The following PAAF1 variants were observed in gnomAD, a reference collection of about 807,000 sequenced individuals.
The protein encoded by PAAF1 is proteasomal ATPase-associated factor 1.
PAAF1 carries 46 observed loss-of-function variants against 52.8 expected under a neutral mutation model. That is an observed-to-expected ratio of 0.87 (90% CI 0.69 to 1.11). PAAF1 has a LOEUF of 1.11. Among genes scored for constraint, PAAF1 ranks in the 50% most tolerant of loss-of-function variants. PAAF1 has a pLI of 0.00. For synonymous variants in PAAF1, 178 were observed against 172.8 expected (o/e 1.03, Z -0.24); for missense variants, 424 against 477.4 (o/e 0.89, Z 1.04).
Position 73,929,071 on chromosome 11 carries a change from G to A in PAAF1, c.*1709G>A, listed in dbSNP as rs1252885180. ...CTCATGTAAATTTTTTTTTTTTAAA[G>A]ACAGGGTCTTGCTCTGTTGCCCAGG... On this transcript the variant is annotated 3_prime_UTR_variant, in exon 12 of 12. Coordinates refer to ENST00000310571, the MANE Select transcript of PAAF1 (RefSeq NM_025155.3). 4 of 151,486 alleles carry A rather than the reference G, an allele frequency of 2.6e-5. No homozygotes were observed. In the East Asian group the frequency reaches 7.8e-4, roughly 29 times the overall value. The allele number at this position is 151,486 out of a possible 1,614,324, so 9.4% of individuals were successfully genotyped here.
At chr11:73,925,278 G>A (rs776295828) in intron 11 of PAAF1, among the ~76,000 whole-genome samples, 9 of 150,748 alleles carry the variant, frequency 6.0e-5, no homozygotes, top group Non-Finnish European at 1.3e-4. Flanking sequence ...GCAATAAGAT[G>A]AGACCCCCGT....
chr11:73,909,425 C>T lies in PAAF1; in HGVS notation c.559C>T (p.Arg187Trp), dbSNP rs375156920. ...TATCCTGGATACAGCCATCGTTGAT[C>T]GGGGGAGGAATGTGGTGTCTGCTTC... ...GGILDTAIVD[R>W]GRNVVSASRD... is the part of the protein sequence containing the mutation. The change falls in exon 7 of 12, where the codon CGG becomes TGG. Residue 187 changes from arginine (R) to tryptophan (W), a missense_variant. Coordinates refer to ENST00000310571, the MANE Select transcript of PAAF1 (RefSeq NM_025155.3). 581 of 1,613,792 alleles carry T rather than the reference C, an allele frequency of 3.6e-4. 1 individual carries two copies. Among genetic ancestry groups the T allele is most frequent in the Non-Finnish European group, 4.7e-4 (560 of 1,179,928 alleles).
chr11:73,914,652 A>G (rs912894916), intron 8 of PAAF1, 148 bp downstream of exon 8: 6 of 569,094 alleles, frequency 1.1e-5, no homozygotes, highest in Non-Finnish European at 1.9e-5. Flanking sequence ...TGTAATGATT[A>G]AGAGTTGTGG....
At chr11:73,877,944 A>G (rs1417220607) in intron 1 of PAAF1, among the ~76,000 whole-genome samples, 4 of 152,208 alleles carry the variant, frequency 2.6e-5, no homozygotes, top group Admixed American at 2.6e-4. Context: ...TCATTCATCT[A>G]ACATTTATTG....
intron 6 of PAAF1, among the ~76,000 whole-genome samples, chr11:73,902,978 G>C (rs1047204349): frequency 6.6e-6 from 1 of 152,146 alleles, no homozygotes; most frequent in Non-Finnish European, 1.5e-5. Flanking sequence ...GATTACAGGC[G>C]TGAGCCACTG....
intron 4 of PAAF1, among the ~76,000 whole-genome samples, chr11:73,897,300 C>T (rs1247896707): frequency 4.0e-5 from 6 of 151,708 alleles, no homozygotes; most frequent in Admixed American, 2.0e-4. Flanking sequence ...CCCCACTTCC[C>T]TCCCGGACGA....
intron 10 of PAAF1, among the ~76,000 whole-genome samples, chr11:73,922,560 G>A (rs1950248940): frequency 6.6e-6 from 1 of 152,128 alleles, no homozygotes; most frequent in Non-Finnish European, 1.5e-5. Flanking sequence ...GCTCACACCT[G>A]TAATCCCAGC....
At chr11:73,925,485 G>C (rs1950331251) in intron 11 of PAAF1, among the ~76,000 whole-genome samples, 1 of 148,396 alleles carries the variant, frequency 6.7e-6, no homozygotes, top group East Asian at 1.9e-4. Flanking sequence ...AAAAAAAAGT[G>C]ACTTCATCAC....
intron 11 of PAAF1, among the ~76,000 whole-genome samples, chr11:73,924,981 C>T (rs192716156): frequency 1.3e-5 from 2 of 151,642 alleles, no homozygotes; most frequent in Non-Finnish European, 1.5e-5. Context: ...GGTGAAACCC[C>T]GTCTCTACTA....
intron 3 of PAAF1, 88 bp from the exon 4 acceptor site, chr11:73,891,024 G>C (rs1037491976): frequency 6.5e-6 from 5 of 770,824 alleles, no homozygotes; most frequent in Admixed American, 2.5e-5. Flanking sequence ...AGAATGTCCT[G>C]TAGTCCTAAT....
intron 2 of PAAF1, among the ~76,000 whole-genome samples, chr11:73,884,865 T>TC: frequency 7.0e-6 from 1 of 143,614 alleles, no homozygotes; most frequent in East Asian, 1.9e-4. Flanking sequence ...CTTTTATTCT[T>TC]TTTTTTTTTT....
At chr11:73,892,935 C>T (rs1048825443) in intron 4 of PAAF1, among the ~76,000 whole-genome samples, 3 of 152,318 alleles carry the variant, frequency 2.0e-5, no homozygotes, top group Middle Eastern at 3.4e-3. Flanking sequence ...GCTGGGATTA[C>T]AGGTGTGAGC....
intron 2 of PAAF1, among the ~76,000 whole-genome samples, chr11:73,883,525 CT>C (rs908721684): frequency 8.8e-5 from 13 of 148,526 alleles, no homozygotes; most frequent in South Asian, 4.3e-4. Context: ...TTCTTTCTTT[CT>C]TTTTTTTTTG....
intron 4 of PAAF1, among the ~76,000 whole-genome samples, chr11:73,896,302 A>AT (rs1949361273): frequency 6.4e-5 from 4 of 62,382 alleles, no homozygotes; most frequent in Non-Finnish European, 1.3e-4. Flanking sequence ...TTTCTTTTTT[A>AT]TTTATTTTTT....
Position 73,927,432 on chromosome 11 carries a change from C to G in PAAF1, c.*70C>G. 7.8e-7 allele frequency: 1 copy of G among 1,278,454 alleles called. No individual in the cohort carries two copies. The highest frequency in any genetic ancestry group is 1.1e-6 in the Non-Finnish European group (1 of 883,086). 79.2% of individuals were successfully genotyped at this position (1,278,454 alleles called of 1,614,324 possible). On this transcript the variant is annotated 3_prime_UTR_variant, in exon 12 of 12. Coordinates refer to ENST00000310571, the MANE Select transcript of PAAF1 (RefSeq NM_025155.3). ...GATCAACAATGAGCAGAAACATCAT[C>G]AGTCCTTCCCAAGGACCATGGCGTT...
intron 3 of PAAF1, 46 bp downstream of exon 3, chr11:73,887,503 T>C: frequency 7.9e-7 from 1 of 1,273,514 alleles, no homozygotes; most frequent in Non-Finnish European, 1.1e-6. Context: ...AAAACTATGG[T>C]AGTACCCAAA....
intron 11 of PAAF1, among the ~76,000 whole-genome samples, chr11:73,925,156 CAA>C (rs34408861): frequency 2.6e-4 from 16 of 61,760 alleles, no homozygotes; most frequent in Non-Finnish European, 3.5e-4. Context: ...GACTCCATCT[CAA>C]AAAAAAAAAA....
At chr11:73,900,475 A>C (rs3741139) in intron 6 of PAAF1, 55 bp downstream of exon 6, 3 of 1,510,784 alleles carry the variant, frequency 2.0e-6, no homozygotes, top group Non-Finnish European at 2.7e-6. Flanking sequence ...GAAATGAATC[A>C]CTGAAAAGGT....
Position 73,886,918 on chromosome 11 carries a change from T to C in PAAF1, c.89-436T>C, listed in dbSNP as rs113606721. On this transcript the variant is annotated intron_variant, in intron 2 of 11. Coordinates refer to ENST00000310571, the MANE Select transcript of PAAF1 (RefSeq NM_025155.3). ...GTGACTGAGTTCTCACTCTGTTCTT[T>C]CCTGAGAAAGCTGATTGTTAAAAAG... The C allele has an allele frequency of 2.2e-3, 830 of 384,370 alleles. 5 individuals carry two copies. The highest frequency in any genetic ancestry group is 0.016 in the African/African-American group (755 of 47,064). The allele number at this position is 384,370 out of a possible 1,614,324, so 23.8% of individuals were successfully genotyped here. A position where few individuals can be genotyped will look rare whatever the true frequency, so the allele number is the denominator to read the frequency against.
Sources: gnomAD v4.1 joint callset for allele counts (sites outside exome capture counted in the v4.1 genomes callset) on GRCh38, gnomAD v4.1.1 for gene constraint, MANE v1.5 for transcripts, NCBI Gene and HGNC (gene_info 2026-07-23, HGNC 2026-07-21) for gene names.